Variants in WFDC11 observed in about 807,000 individuals in gnomAD.
The protein encoded by WFDC11 is protein WFDC11.
WFDC11 carries 9 observed loss-of-function variants against 9.9 expected under a neutral mutation model. That is an observed-to-expected ratio of 0.91 (90% confidence interval 0.55 to 1.58). WFDC11 has a LOEUF of 1.58. Ranked by LOEUF, WFDC11 falls within the 40% of genes most tolerant of loss-of-function variation. The pLI, the probability that WFDC11 is intolerant of heterozygous loss-of-function variation, is 0.00. For missense variants in WFDC11, 106 were observed against 101.7 expected (o/e 1.04, Z -0.18); for synonymous variants, 32 against 33.3 (o/e 0.96, Z 0.13).
chr20:45,648,668 T>A lies in WFDC11; in HGVS notation c.*51A>T. ...CCACAGGGTACTACTATGAGACCTC[T>A]TAAACATTTCCCAGCCCACACAGGT... is the stretch of plus-strand genomic sequence containing the variant. On this transcript the variant is annotated 3_prime_UTR_variant, in exon 5 of 5. Transcript: ENST00000324384. The A allele has an allele frequency of 1.2e-6, 2 of 1,611,166 alleles. 1 individual carries two copies. The highest frequency in any genetic ancestry group is 2.2e-5 in the South Asian group (2 of 90,908).
Position 45,650,653 on chromosome 20 carries a change from T to C in WFDC11, c.-51-2A>G. The C allele has an allele frequency of 6.8e-7, 1 of 1,462,288 alleles. No individual in the cohort carries two copies. Among genetic ancestry groups the C allele is most frequent in the Non-Finnish European group, 9.6e-7 (1 of 1,042,568 alleles). 90.6% of individuals were successfully genotyped at this position (1,462,288 alleles called of 1,614,324 possible). A position where few individuals can be genotyped will look rare whatever the true frequency, so the allele number is the denominator to read the frequency against. ...GATTATTTTTCTTCCCAGTCGCTGC[T>C]AGAGATCAAGACATATAAATAGGGA... On this transcript the variant is annotated splice_acceptor_variant, in intron 2 of 4. Transcript: ENST00000324384. LOFTEE classifies it low-confidence loss of function (5UTR_SPLICE).
intron 2 of WFDC11, among the ~76,000 whole-genome samples, chr20:45,658,882 C>T (rs749265051): frequency 2.0e-5 from 3 of 149,878 alleles, no homozygotes; most frequent in Admixed American, 6.7e-5. Flanking sequence ...CATCCCCCGC[C>T]GACAGGCCCA....
In WFDC11 at chr20:45,661,739, G is replaced by A. The variant is rs374893214; in HGVS notation, c.-52+5349C>T. ...GATCAGATAGTTGTAGATATGCGGC[G>A]TTATTACTGAGGGCTCTGTTCTGTT... On this transcript the variant is annotated intron_variant, in intron 2 of 4. Coordinates refer to ENST00000324384, the MANE Select transcript of WFDC11 (RefSeq NM_147197.2). Among the ~76,000 whole-genome samples the A allele has an allele frequency of 2.5e-4, 38 of 152,106 alleles. 1 individual carries two copies. Among genetic ancestry groups the A allele is most frequent in the African/African-American group, 7.5e-4 (31 of 41,488 alleles).
intron 2 of WFDC11, among the ~76,000 whole-genome samples, chr20:45,666,846 T>C (rs575006469): frequency 7.9e-5 from 12 of 152,370 alleles, no homozygotes; most frequent in African/African-American, 2.9e-4. Flanking sequence ...GGGAATAGCA[T>C]GTAGATGATG....
intron 2 of WFDC11, among the ~76,000 whole-genome samples, chr20:45,653,172 A>C (rs6130880): frequency 0.19 from 28,767 of 151,892 alleles, 2,972 homozygotes; most frequent in East Asian, 0.32. Context: ...TAAGGGCAGC[A>C]AGAGAGAAAG....
intron 2 of WFDC11, among the ~76,000 whole-genome samples, chr20:45,656,612 T>A (rs1449709669): frequency 2.6e-5 from 4 of 151,776 alleles, no homozygotes; most frequent in Admixed American, 6.6e-5. Flanking sequence ...AAAGAGCTTC[T>A]GCACAGCAAA....
At chr20:45,660,579 C>A (rs989509162) in intron 2 of WFDC11, among the ~76,000 whole-genome samples, 2 of 152,102 alleles carry the variant, frequency 1.3e-5, no homozygotes, top group Non-Finnish European at 2.9e-5. Context: ...CCCCACCCCA[C>A]AACAGTCCCC....
rs1478670535 is a variant in WFDC11 at position 45,661,656 on chromosome 20, AC to A, written c.-52+5431del. ...CATATGGCTAGCCAGTTTTCCCAGC[AC>A]CATTTATTAAATAGGGAATCCTTTC... On this transcript the variant is annotated intron_variant, in intron 2 of 4. Transcript: ENST00000324384. Among the ~76,000 whole-genome samples the A allele has an allele frequency of 5.8e-4, 89 of 152,174 alleles. 2 individuals carry two copies. Among genetic ancestry groups the A allele is most frequent in the African/African-American group, 2.0e-3 (83 of 41,532 alleles).
intron 2 of WFDC11, among the ~76,000 whole-genome samples, chr20:45,663,195 A>G (rs572248781): frequency 6.6e-6 from 1 of 152,218 alleles, no homozygotes; most frequent in East Asian, 1.9e-4. Context: ...TACATTTTCT[A>G]GTTTATTTGC....
chr20:45,661,553 A>C (rs376843535), intron 2 of WFDC11, among the ~76,000 whole-genome samples: 3 of 152,020 alleles, frequency 2.0e-5, no homozygotes, highest in Non-Finnish European at 4.4e-5. Context: ...GGTTTTAGGT[A>C]TAACGTTTAA....
intron 2 of WFDC11, 87 bp from the exon 3 acceptor site, chr20:45,650,738 C>G (rs1357865256): frequency 2.8e-6 from 2 of 722,554 alleles, no homozygotes; most frequent in East Asian, 2.7e-5. Context: ...TATCTTCTCA[C>G]TATTCCCCCT....
In WFDC11 at chr20:45,650,520, C is replaced by T. The variant is rs1198417982; in HGVS notation, c.81G>A (p.Met27Ile). Residue 27 changes from methionine to isoleucine, a missense_variant, in exon 3 of 5, where the codon ATG (methionine) becomes ATA (isoleucine). By Grantham distance (10) the Met-to-Ile change is conservative. Coordinates refer to ENST00000324384, the MANE Select transcript of WFDC11 (RefSeq NM_147197.2). ...CTVLLSVLGE[M>I]RKKRYDRKEL... ...ACCTACTGTCATATCTTTTCTTCCT[C>T]ATTTCTCCCAGCACAGACAGTAGCA... The T allele has an allele frequency of 6.2e-7, 1 of 1,614,066 alleles. No individual in the cohort carries two copies. The highest frequency in any genetic ancestry group is 1.6e-4 in the Middle Eastern group (1 of 6,062).
intron 2 of WFDC11, among the ~76,000 whole-genome samples, chr20:45,664,825 C>A (rs1409753684): frequency 6.6e-6 from 1 of 152,062 alleles, no homozygotes; most frequent in African/African-American, 2.4e-5. Context: ...GGTAACCTGA[C>A]CCTTCTCTCT....
intron 1 of WFDC11, among the ~76,000 whole-genome samples, chr20:45,668,843 A>G (rs1282042865): frequency 1.3e-5 from 2 of 152,174 alleles, no homozygotes; most frequent in African/African-American, 4.8e-5. Context: ...GTTTTTCCCT[A>G]TTGTAGAAAT....
intron 2 of WFDC11, among the ~76,000 whole-genome samples, chr20:45,662,009 A>G (rs1223416401): frequency 1.3e-5 from 2 of 152,190 alleles, no homozygotes; most frequent in African/African-American, 4.8e-5. Flanking sequence ...TACCTTGGAC[A>G]GTATGGCCAT....
intron 1 of WFDC11, among the ~76,000 whole-genome samples, chr20:45,668,363 G>T (rs1215647533): frequency 1.3e-5 from 2 of 152,030 alleles, no homozygotes; most frequent in African/African-American, 4.8e-5. Context: ...CCTGTAGATT[G>T]TCCTAACATT....
chr20:45,667,566 T>G (rs1600944024), intron 1 of WFDC11, among the ~76,000 whole-genome samples: 1 of 152,358 alleles, frequency 6.6e-6, no homozygotes, highest in African/African-American at 2.4e-5. Flanking sequence ...CACCACCTTA[T>G]CAGCAATCTC....
At chr20:45,651,435 A>G (rs1982803967) in intron 2 of WFDC11, among the ~76,000 whole-genome samples, 1 of 152,166 alleles carries the variant, frequency 6.6e-6, no homozygotes, top group African/African-American at 2.4e-5. Context: ...CATTCTGTGA[A>G]TATGTCACAC....
chr20:45,652,346 A>T (rs576090206), intron 2 of WFDC11, among the ~76,000 whole-genome samples: 1 of 152,300 alleles, frequency 6.6e-6, no homozygotes, highest in Non-Finnish European at 1.5e-5. Flanking sequence ...CCTCGAGCAA[A>T]CTCCAATAGA....
Sources: gnomAD v4.1 joint callset for allele counts (sites outside exome capture counted in the v4.1 genomes callset) on GRCh38, gnomAD v4.1.1 for gene constraint, MANE v1.5 for transcripts, NCBI Gene and HGNC (gene_info 2026-07-23, HGNC 2026-07-21) for gene names.